The following ELP3 variants were observed in gnomAD, a reference collection of about 807,000 sequenced individuals.
ELP3 encodes elongator complex protein 3.
A neutral mutation model predicts 74.9 loss-of-function variants in ELP3; 56 were observed. The ratio of observed to expected loss-of-function variants is 0.75; its 90% CI spans 0.60 to 0.93. ELP3 has a LOEUF of 0.93. Ranked by LOEUF, ELP3 falls within the 40% of genes least tolerant of loss-of-function variation. The pLI is 0.00. For missense variants in ELP3, 573 were observed against 686.5 expected (o/e 0.83, Z 1.85); for synonymous variants, 222 against 239.8 (o/e 0.93, Z 0.68).
intron 2 of ELP3, among the ~76,000 whole-genome samples, chr8:28,099,295 G>T (rs1277746640): frequency 1.3e-5 from 2 of 151,926 alleles, no homozygotes; most frequent in Admixed American, 1.3e-4. Context: ...TGTTGTTGTT[G>T]TTTTGTCTAA....
At chr8:28,166,424 G>A (rs1361938918) in intron 14 of ELP3, among the ~76,000 whole-genome samples, 1 of 152,170 alleles carries the variant, frequency 6.6e-6, no homozygotes, top group Non-Finnish European at 1.5e-5. Flanking sequence ...GCTAATTGCT[G>A]CTAAATATCT....
intron 14 of ELP3, among the ~76,000 whole-genome samples, chr8:28,185,840 A>G (rs1474836001): frequency 6.6e-6 from 1 of 152,168 alleles, no homozygotes; most frequent in Non-Finnish European, 1.5e-5. Flanking sequence ...AAGGAATTTG[A>G]ACTTTATCTT....
intron 2 of ELP3, among the ~76,000 whole-genome samples, chr8:28,098,708 T>C (rs562790636): frequency 1.3e-5 from 2 of 152,242 alleles, no homozygotes; most frequent in African/African-American, 2.4e-5. Context: ...TACCTTTACA[T>C]TGAAAATCTT....
intron 7 of ELP3, among the ~76,000 whole-genome samples, chr8:28,122,428 G>C (rs1035043943): frequency 1.3e-5 from 2 of 152,074 alleles, no homozygotes; most frequent in Non-Finnish European, 2.9e-5. Context: ...ATCTAGGGCT[G>C]GAATTTTCTT....
intron 5 of ELP3, 29 bp downstream of exon 5, chr8:28,108,005 A>G (rs1420245634): frequency 1.3e-6 from 2 of 1,567,968 alleles, no homozygotes; most frequent in African/African-American, 2.7e-5. Flanking sequence ...TGTCCTGATG[A>G]AATGTTGCAT....
At chr8:28,129,826 C>A (rs564969812) in intron 8 of ELP3, among the ~76,000 whole-genome samples, 163 bp downstream of exon 8, 1 of 152,238 alleles carries the variant, frequency 6.6e-6, no homozygotes, top group South Asian at 2.1e-4. Flanking sequence ...TAATTCCATC[C>A]CCTCTTTCCC....
chr8:28,135,490 T>G (rs1441501293), intron 9 of ELP3, among the ~76,000 whole-genome samples: 1 of 152,070 alleles, frequency 6.6e-6, no homozygotes, highest in African/African-American at 2.4e-5. Flanking sequence ...ATCCAGAGAG[T>G]AGGGCGGAGA....
chr8:28,184,999 G>A (rs536725475), intron 14 of ELP3, among the ~76,000 whole-genome samples: 39 of 152,206 alleles, frequency 2.6e-4, no homozygotes, highest in Admixed American at 2.3e-3. Context: ...GATCTCCTGG[G>A]TGAATTGTCC....
At chr8:28,139,130 A>G (rs1405079938) in intron 10 of ELP3, among the ~76,000 whole-genome samples, 1 of 152,112 alleles carries the variant, frequency 6.6e-6, no homozygotes, top group Non-Finnish European at 1.5e-5. Flanking sequence ...AATGTGGCGA[A>G]AAGGGCATTC....
At chr8:28,134,952 G>A (rs1159635850) in intron 9 of ELP3, among the ~76,000 whole-genome samples, 6 of 150,334 alleles carry the variant, frequency 4.0e-5, no homozygotes, top group Admixed American at 2.0e-4. Flanking sequence ...TCCTTGAGAC[G>A]GAGTCTCGCA....
chr8:28,114,278 T>C (rs1812034515), intron 7 of ELP3, among the ~76,000 whole-genome samples: 1 of 152,244 alleles, frequency 6.6e-6, no homozygotes, highest in Non-Finnish European at 1.5e-5. Flanking sequence ...TGGGGTGTTC[T>C]AGGGACAGAG....
At chr8:28,115,375 G>A (rs1472776977) in intron 7 of ELP3, among the ~76,000 whole-genome samples, 2 of 152,122 alleles carry the variant, frequency 1.3e-5, no homozygotes, top group South Asian at 2.1e-4. Flanking sequence ...CTTATAGTAC[G>A]ATCCCATTAT....
intron 14 of ELP3, among the ~76,000 whole-genome samples, chr8:28,186,286 A>G (rs1815237498): frequency 1.3e-5 from 2 of 152,198 alleles, no homozygotes; most frequent in Admixed American, 6.5e-5. Context: ...GTGTGAATGT[A>G]TTTAGCAACA....
chr8:28,095,238 C>T (rs767769244), intron 1 of ELP3, among the ~76,000 whole-genome samples: 1 of 152,214 alleles, frequency 6.6e-6, no homozygotes, highest in African/African-American at 2.4e-5. Flanking sequence ...TCTTTTCCTA[C>T]TCATTTACTC....
intron 6 of ELP3, among the ~76,000 whole-genome samples, chr8:28,111,311 TTGC>T (rs1474327884): frequency 6.6e-6 from 1 of 152,260 alleles, no homozygotes; most frequent in Non-Finnish European, 1.5e-5. Context: ...GTACATGACC[TTGC>T]AGTGTTCAAG....
intron 6 of ELP3, 102 bp downstream of exon 6, chr8:28,110,540 G>T (rs1308732067): frequency 2.8e-6 from 3 of 1,067,014 alleles, no homozygotes; most frequent in East Asian, 2.5e-5. Context: ...GAATGAAAAA[G>T]GTGTTTTTCC....
In ELP3 at chr8:28,159,718, C is replaced by T. The variant is rs368097259; in HGVS notation, c.1258-511C>T. ...TAATTATGCATAATATTTAAGTGCC[C>T]TGTGGGAGGCCACACTTCCTTGAAA... On this transcript the variant is annotated intron_variant, in intron 12 of 14. Transcript: ENST00000256398. Among the ~76,000 whole-genome samples the T allele has an allele frequency of 1.8e-4, 27 of 152,272 alleles. No individual in the cohort carries two copies. The South Asian group carries it at 4.8e-3, about 27-fold the overall frequency.
In ELP3 at chr8:28,132,400, T is replaced by A; in HGVS notation, c.902T>A (p.Phe301Tyr). The A allele has an allele frequency of 6.2e-7, 1 of 1,614,088 alleles. No individual in the cohort carries two copies. The highest frequency in any genetic ancestry group is 8.5e-7 in the Non-Finnish European group (1 of 1,179,946). Residue 301 changes from phenylalanine to tyrosine, a missense_variant, in exon 9 of 15, where the codon TTC becomes TAC. Coordinates refer to ENST00000256398, the MANE Select transcript of ELP3 (RefSeq NM_018091.6). ...GGACTAGAAAGAGACATTGAACAGT[T>A]CACAGTAAGTGTGACTTCAGCCAGG... ...NVGLERDIEQ[F>Y]TEFFENPAFR...
Position 28,126,028 on chromosome 8 carries a change from C to G in ELP3, c.618-3474C>G, listed in dbSNP as rs201811737. On this transcript the variant is annotated intron_variant, in intron 7 of 14. Transcript: ENST00000256398. ...AAATTTGTAATTTTTTTTTAATCAA[C>G]GGAGAATTTTTAGTGTTGAAGCCTT... 4.1e-4 allele frequency among the ~76,000 whole-genome samples: 62 copies of G among 151,892 alleles called. 2 individuals are homozygous for G. In the East Asian group the frequency reaches 0.01, roughly 25 times the overall value.
Sources: gnomAD v4.1 joint callset for allele counts (sites outside exome capture counted in the v4.1 genomes callset) on GRCh38, gnomAD v4.1.1 for gene constraint, MANE v1.5 for transcripts, NCBI Gene and HGNC (gene_info 2026-07-23, HGNC 2026-07-21) for gene names.